The following PARD3B variants were observed in gnomAD, a reference collection of about 807,000 sequenced individuals.
PARD3B encodes the protein par-3 family cell polarity regulator beta.
Under a neutral mutation model 130.2 loss-of-function variants are expected in PARD3B, and 103 were observed. The ratio of observed to expected loss-of-function variants is 0.79; its 90% CI spans 0.67 to 0.93. The LOEUF (loss-of-function observed/expected upper bound fraction) is 0.93. PARD3B is among the 40% of genes least tolerant of loss of function. The pLI, the probability that PARD3B is intolerant of heterozygous loss-of-function variation, is 0.00. For synonymous variants in PARD3B, 583 were observed against 553.2 expected (o/e 1.05, Z -0.76); for missense variants, 1,609 against 1,499.2 (o/e 1.07, Z -1.21).
At chr2:205,295,586 A>G (rs1026312674) in intron 16 of PARD3B, among the ~76,000 whole-genome samples, 1 of 152,236 alleles carries the variant, frequency 6.6e-6, no homozygotes, top group Non-Finnish European at 1.5e-5. Flanking sequence ...CTTGCCATGT[A>G]TCTGGAAGTG....
chr2:204,555,933 T>A (rs555861978), intron 1 of PARD3B, among the ~76,000 whole-genome samples: 2 of 152,330 alleles, frequency 1.3e-5, no homozygotes, highest in South Asian at 4.1e-4. Flanking sequence ...CTTCCCTGAT[T>A]TACTTCTATC....
At chr2:204,591,217 A>G (rs1046314944) in intron 1 of PARD3B, among the ~76,000 whole-genome samples, 3 of 152,224 alleles carry the variant, frequency 2.0e-5, no homozygotes, top group African/African-American at 4.8e-5. Flanking sequence ...GTGCATGTAT[A>G]TGTTTATTAT....
intron 1 of PARD3B, among the ~76,000 whole-genome samples, chr2:204,607,092 A>G (rs2033749714): frequency 1.3e-5 from 2 of 152,276 alleles, no homozygotes; most frequent in African/African-American, 4.8e-5. Context: ...TGGCATAGTC[A>G]CTAGGGTTCT....
At chr2:205,009,890 A>C (rs1307303329) in intron 3 of PARD3B, among the ~76,000 whole-genome samples, 2 of 152,160 alleles carry the variant, frequency 1.3e-5, no homozygotes, top group Non-Finnish European at 2.9e-5. Context: ...CCTTAAGTTC[A>C]GATTAAATAT....
chr2:205,454,033 T>C (rs553857221), intron 20 of PARD3B, among the ~76,000 whole-genome samples: 1 of 152,254 alleles, frequency 6.6e-6, no homozygotes, highest in East Asian at 1.9e-4. Flanking sequence ...ATTCATCCCA[T>C]TAAAAAAATT....
chr2:204,870,430 A>T (rs2045588916), intron 2 of PARD3B, among the ~76,000 whole-genome samples: 1 of 152,158 alleles, frequency 6.6e-6, no homozygotes, highest in South Asian at 2.1e-4. Flanking sequence ...GAGCAAGAGG[A>T]GACACCGATA....
At chr2:204,551,897 A>G (rs573134084) in intron 1 of PARD3B, among the ~76,000 whole-genome samples, 1 of 152,314 alleles carries the variant, frequency 6.6e-6, no homozygotes, top group Non-Finnish European at 1.5e-5. Flanking sequence ...CCTCTCTTGG[A>G]AAATCTAAAG....
intron 1 of PARD3B, among the ~76,000 whole-genome samples, chr2:204,685,758 A>G (rs2037045586): frequency 6.6e-6 from 1 of 150,894 alleles, no homozygotes; most frequent in Admixed American, 6.6e-5. Flanking sequence ...AGCTATTACC[A>G]TCACAGATTC....
At chr2:205,236,318 G>A (rs2039060117) in intron 15 of PARD3B, among the ~76,000 whole-genome samples, 1 of 152,028 alleles carries the variant, frequency 6.6e-6, no homozygotes, top group Non-Finnish European at 1.5e-5. Context: ...AAAGAGGAGT[G>A]AATATTTCCC....
intron 18 of PARD3B, among the ~76,000 whole-genome samples, chr2:205,353,955 G>T (rs1182235858): frequency 4.0e-5 from 6 of 151,178 alleles, no homozygotes; most frequent in Non-Finnish European, 5.9e-5. Context: ...AGGAAACAGG[G>T]ATTCAGAGAA....
At chr2:204,716,486 A>G (rs2038732203) in intron 2 of PARD3B, among the ~76,000 whole-genome samples, 1 of 152,122 alleles carries the variant, frequency 6.6e-6, no homozygotes, top group Admixed American at 6.5e-5. Context: ...TGACTCTTCA[A>G]TGAGAACATG....
At chr2:205,047,296 G>C (rs1161805274) in intron 3 of PARD3B, among the ~76,000 whole-genome samples, 1 of 152,004 alleles carries the variant, frequency 6.6e-6, no homozygotes, top group Non-Finnish European at 1.5e-5. Flanking sequence ...TTTTTAGATT[G>C]TACACAGTCA....
intron 3 of PARD3B, among the ~76,000 whole-genome samples, chr2:205,005,960 C>T (rs1695229369): frequency 6.6e-6 from 1 of 152,130 alleles, no homozygotes; most frequent in Non-Finnish European, 1.5e-5. Flanking sequence ...CTCTCACCCT[C>T]CTCCTAACTT....
chr2:204,702,095 T>C (rs1574749355), intron 2 of PARD3B, among the ~76,000 whole-genome samples: 1 of 152,176 alleles, frequency 6.6e-6, no homozygotes, highest in African/African-American at 2.4e-5. Context: ...TATGGCTGCG[T>C]AGTAATTCTA....
intron 2 of PARD3B, among the ~76,000 whole-genome samples, chr2:204,793,752 C>T (rs1461672871): frequency 6.6e-6 from 1 of 152,060 alleles, no homozygotes; most frequent in African/African-American, 2.4e-5. Context: ...CATGATCCAC[C>T]CACTTCGGCC....
chr2:205,249,251 A>C (rs1351707402), intron 16 of PARD3B, among the ~76,000 whole-genome samples: 1 of 150,498 alleles, frequency 6.6e-6, no homozygotes, highest in Non-Finnish European at 1.5e-5. Context: ...AAATGTGAGC[A>C]GCTTTTATAC....
At chr2:204,913,770 A>G (rs1419684285) in intron 2 of PARD3B, among the ~76,000 whole-genome samples, 1 of 152,236 alleles carries the variant, frequency 6.6e-6, no homozygotes, top group East Asian at 1.9e-4. Flanking sequence ...ATTAACTAAA[A>G]ATATACATTT....
chr2:204,614,901 C>CT (rs2034054537), intron 1 of PARD3B, among the ~76,000 whole-genome samples: 2 of 152,272 alleles, frequency 1.3e-5, no homozygotes, highest in South Asian at 4.1e-4. Flanking sequence ...AATTAAAACT[C>CT]TTTCTTTATA....
intron 3 of PARD3B, among the ~76,000 whole-genome samples, chr2:204,998,300 C>A (rs2125267276): frequency 9.3e-6 from 1 of 107,124 alleles, no homozygotes; most frequent in Non-Finnish European, 1.8e-5. Context: ...CACATGTATC[C>A]CAGAACTTAA....
Sources: allele counts gnomAD v4.1 joint callset (sites outside exome capture counted in the v4.1 genomes callset), GRCh38; gene constraint gnomAD v4.1.1; transcripts MANE v1.5; gene names NCBI Gene and HGNC (gene_info 2026-07-23, HGNC 2026-07-21).